NTM: variants seen among roughly 807,000 people sequenced by gnomAD.
The protein encoded by NTM is neurotrimin.
A neutral mutation model predicts 42.1 loss-of-function variants in NTM; 13 were observed. The observed-to-expected ratio is 0.31, with a 90% CI of 0.20 to 0.49. The LOEUF (loss-of-function observed/expected upper bound fraction) is 0.49. Ranked by LOEUF, NTM falls within the 20% of genes least tolerant of loss-of-function variation. The pLI is 0.99. For missense variants in NTM, 373 were observed against 452.8 expected, an observed-to-expected ratio of 0.82 and a Z score of 1.60; for synonymous variants, 187 against 179.2, an observed-to-expected ratio of 1.04 and a Z score of -0.35.
At chr11:131,537,007 A>C (rs577446670) in intron 1 of NTM, 121 of 152,138 alleles carry the variant, frequency 8.0e-4, no homozygotes, top group African/African-American at 2.9e-3. Flanking sequence ...GTGCCCGTGA[A>C]CTCAGACCAC....
In NTM at chr11:131,504,098, C is replaced by T. The variant is rs556843532; in HGVS notation, c.82+133210C>T. 3.3e-5 allele frequency among the ~76,000 whole-genome samples: 5 copies of T among 152,260 alleles called. No homozygotes were observed. In the East Asian group the frequency reaches 7.8e-4, roughly 24 times the overall value. ...GACTGCTCATCCAGGGCTCCCTGGC[C>T]CCACCAGCTTCCTCCAGGCCCCTGC... On this transcript the variant is annotated intron_variant, in intron 1 of 8. Transcript: ENST00000683400.
rs370265333 is a variant in NTM, at chr11:131,484,765, T to C, written c.82+113877T>C. On this transcript the variant is annotated intron_variant, in intron 1 of 8. Coordinates refer to ENST00000683400, the MANE Select transcript of NTM (RefSeq NM_001352005.2). Reference sequence around the variant, plus strand: ...TTTTGCATGCTCTTCCTTCATTCACTCCTCATTCGTGCTGTGAATACCTCC... The same window carrying C: ...TTTTGCATGCTCTTCCTTCATTCACCCCTCATTCGTGCTGTGAATACCTCC... 2.2e-4 allele frequency among the ~76,000 whole-genome samples: 33 copies of C among 152,178 alleles called. 1 individual carries two copies. The highest frequency in any genetic ancestry group is 2.1e-3 in the East Asian group (11 of 5,188).
chr11:132,093,308 C>T (rs2060583809), intron 2 of NTM, among the ~76,000 whole-genome samples: 1 of 152,158 alleles, frequency 6.6e-6, no homozygotes, highest in Non-Finnish European at 1.5e-5. Flanking sequence ...GTTTCCTCTG[C>T]CTGGTCTGTA....
At chr11:131,788,822 G>T (rs1289956287) in intron 1 of NTM, among the ~76,000 whole-genome samples, 2 of 152,030 alleles carry the variant, frequency 1.3e-5, no homozygotes, top group African/African-American at 2.4e-5. Context: ...AGACTTTTTT[G>T]GGGTCCATGC....
intron 1 of NTM, among the ~76,000 whole-genome samples, chr11:131,693,414 G>C (rs547884526): frequency 3.9e-4 from 60 of 152,278 alleles, no homozygotes; most frequent in African/African-American, 1.4e-3. Flanking sequence ...TAAATCGCCA[G>C]GATAAGTCTT....
intron 1 of NTM, among the ~76,000 whole-genome samples, chr11:131,422,834 T>G (rs1947676428): frequency 6.6e-6 from 1 of 152,232 alleles, no homozygotes; most frequent in South Asian, 2.1e-4. Context: ...TCCTTCTAAA[T>G]TTTAAATAGT....
At chr11:131,424,100 T>G (rs1947810884) in intron 1 of NTM, among the ~76,000 whole-genome samples, 1 of 152,214 alleles carries the variant, frequency 6.6e-6, no homozygotes. Flanking sequence ...TTCTTGCATT[T>G]ACATTATTAG....
At chr11:132,331,249 A>G (rs767007934) in intron 8 of NTM, among the ~76,000 whole-genome samples, 1 of 152,206 alleles carries the variant, frequency 6.6e-6, no homozygotes, top group Non-Finnish European at 1.5e-5. Context: ...AGAAAGGGAG[A>G]TAATAATTCT....
chr11:131,384,678 G>A (rs911345585), intron 1 of NTM, among the ~76,000 whole-genome samples: 1 of 152,134 alleles, frequency 6.6e-6, no homozygotes, highest in East Asian at 1.9e-4. Flanking sequence ...CAGGTGGGAG[G>A]AGTGGCGAAT....
intron 2 of NTM, among the ~76,000 whole-genome samples, chr11:131,945,482 C>T (rs758477261): frequency 1.7e-4 from 26 of 152,092 alleles, no homozygotes; most frequent in Admixed American, 1.4e-3. Flanking sequence ...AAAGTTGAGG[C>T]GGGGTGAATC....
rs1555161609 is a variant in NTM at position 131,598,846 on chromosome 11, TTTCTTCCTTCCTTCCTTCCTTCCTTCC to T, written c.82+227989_82+228015del. On this transcript the variant is annotated intron_variant, in intron 1 of 8. Coordinates refer to ENST00000683400, the MANE Select transcript of NTM (RefSeq NM_001352005.2). Reference sequence around the variant, plus strand: ...TCTTTCTTCTTTCTTTCTTTCTTTCTTTCTTCCTTCCTTCCTTCCTTCCTTCCTTCTTCCTTCCTTCCTTCCTTCCTT... The same window carrying T: ...TCTTTCTTCTTTCTTTCTTTCTTTCTTTCTTCCTTCCTTCCTTCCTTCCTT... 1.9e-4 allele frequency among the ~76,000 whole-genome samples: 6 copies of T among 31,126 alleles called. 1 individual carries two copies. The highest frequency in any genetic ancestry group is 9.3e-4 in the East Asian group (1 of 1,070). The allele number at this position is 31,126 out of a possible 152,430, so 20.4% of individuals were successfully genotyped here.
chr11:131,389,024 A>AAAAAAGAAAAG (rs774146196), intron 1 of NTM, among the ~76,000 whole-genome samples: 5,393 of 89,964 alleles, frequency 0.06, 199 homozygotes, highest in African/African-American at 0.081. Flanking sequence ...AAAAAAAAAA[A>AAAAAAGAAAAG]AAAAGAAAAG....
chr11:131,508,792 A>C (rs1235898873), intron 1 of NTM, among the ~76,000 whole-genome samples: 2,310 of 117,864 alleles, frequency 0.02, no homozygotes, highest in African/African-American at 0.022. Context: ...AGAACAAAAA[A>C]CCAAACACCG....
At chr11:132,075,122 G>A (rs1453474827) in intron 2 of NTM, among the ~76,000 whole-genome samples, 2 of 152,142 alleles carry the variant, frequency 1.3e-5, no homozygotes, top group Non-Finnish European at 2.9e-5. Flanking sequence ...ACTGATGTGA[G>A]ATATCTAAAA....
chr11:131,682,655 G>A (rs1276863845), intron 1 of NTM, among the ~76,000 whole-genome samples: 2 of 152,232 alleles, frequency 1.3e-5, no homozygotes, highest in East Asian at 1.9e-4. Flanking sequence ...CACGGAGAGC[G>A]GGTCCTTCCT....
intron 1 of NTM, chr11:131,795,496 T>G (rs2091453883): frequency 2.0e-6 from 2 of 985,292 alleles, no homozygotes; most frequent in Non-Finnish European, 2.4e-6. Context: ...CAAGCTGCCC[T>G]TTATTGCTCT....
At chr11:132,026,433 C>A (rs577043299) in intron 2 of NTM, among the ~76,000 whole-genome samples, 1 of 152,280 alleles carries the variant, frequency 6.6e-6, no homozygotes, top group East Asian at 1.9e-4. Flanking sequence ...CAGGTCACTG[C>A]CAGATCATGT....
chr11:131,371,045 G>A, intron 1 of NTM, 157 bp downstream of exon 1: 2 of 985,352 alleles, frequency 2.0e-6, no homozygotes, highest in Non-Finnish European at 2.4e-6. Flanking sequence ...CTCCCGACTA[G>A]GCTGTGAGAA....
intron 2 of NTM, among the ~76,000 whole-genome samples, chr11:132,091,053 T>G (rs1372189036): frequency 6.6e-6 from 1 of 152,322 alleles, no homozygotes; most frequent in African/African-American, 2.4e-5. Flanking sequence ...ATTATTGGCA[T>G]TTTTCCTTTG....
Sources: allele counts gnomAD v4.1 joint callset (sites outside exome capture counted in the v4.1 genomes callset), GRCh38; gene constraint gnomAD v4.1.1; transcripts MANE v1.5; gene names NCBI Gene and HGNC (gene_info 2026-07-23, HGNC 2026-07-21).